The following PDCD1LG2 variants were observed in gnomAD, a reference collection of about 807,000 sequenced individuals.
PDCD1LG2 encodes B7 dendritic cell molecule.
PDCD1LG2 carries 32 observed loss-of-function variants against 28.2 expected under a neutral mutation model. That is an observed-to-expected ratio of 1.13 (90% CI 0.86 to 1.52). The LOEUF is 1.52. Ranked by LOEUF, PDCD1LG2 falls within the 40% of genes most tolerant of loss-of-function variation. The pLI, the probability that PDCD1LG2 is intolerant of heterozygous loss-of-function variation, is 0.00. For missense variants in PDCD1LG2, 385 were observed against 323.8 expected (o/e 1.19, Z -1.45); for synonymous variants, 116 against 120.2 (o/e 0.97, Z 0.23).
chr9:5,537,315 C>T (rs982221323), intron 3 of PDCD1LG2, among the ~76,000 whole-genome samples: 10 of 152,058 alleles, frequency 6.6e-5, no homozygotes, highest in African/African-American at 2.4e-4. Flanking sequence ...TCATTCCAAC[C>T]ATGTCATATG....
rs1163066084 is a variant in PDCD1LG2 at position 5,569,004 on chromosome 9, C to T, written c.817-950C>T. Among the ~76,000 whole-genome samples, 1 of 152,102 alleles carries T rather than the reference C, an allele frequency of 6.6e-6. No individual in the cohort carries two copies. Among genetic ancestry groups the T allele is most frequent in the African/African-American group, 2.4e-5 (1 of 41,410 alleles). On this transcript the variant is annotated intron_variant, in intron 6 of 6. Coordinates refer to ENST00000397747, the MANE Select transcript of PDCD1LG2 (RefSeq NM_025239.4). The surrounding 1 kb of genome is among the most constrained non-coding windows in gnomAD (Gnocchi z 4.1). ...AGCAAACTCTTCTAGATAGAGGAGA[C>T]ACTAACAGGAAAGGCAGAGAGGCAG... is the stretch of plus-strand genomic sequence containing the variant.
chr9:5,512,872 G>A (rs1278520770), intron 1 of PDCD1LG2, among the ~76,000 whole-genome samples: 1 of 152,046 alleles, frequency 6.6e-6, no homozygotes, highest in Non-Finnish European at 1.5e-5. Flanking sequence ...AGTCAATCTT[G>A]TTGCTTTTCT....
At position 5,569,983 on chromosome 9, in the gene PDCD1LG2, T is replaced by A; in HGVS notation, c.*24T>A. The A allele has an allele frequency of 6.2e-7, 1 of 1,613,918 alleles. No individual in the cohort carries two copies. ...GAACCTGTGGTCTTGGGAGCCAGGG[T>A]GACCTGATATGACATCTAAAGAAGC... On this transcript the variant is annotated 3_prime_UTR_variant, in exon 7 of 7. Coordinates refer to ENST00000397747, the MANE Select transcript of PDCD1LG2 (RefSeq NM_025239.4). This position sits in a 1 kb window ranked among gnomAD's most constrained non-coding sequence, Gnocchi z 4.1.
rs543643323 is a variant in PDCD1LG2 at position 5,554,768 on chromosome 9, G to A, written c.632-2850G>A. The stretch of plus-strand genomic sequence containing the variant: ...GCAGAAAAGAGAATCCTTCCTAGGA[G>A]ACCTGGAGGTGATTCCAGGCAGTGG... On this transcript the variant is annotated intron_variant, in intron 4 of 6. Coordinates refer to ENST00000397747, the MANE Select transcript of PDCD1LG2 (RefSeq NM_025239.4). Among the ~76,000 whole-genome samples the A allele has an allele frequency of 7.4e-4, 113 of 152,352 alleles. 2 individuals are homozygous for A. Among genetic ancestry groups the A allele is most frequent in the Non-Finnish European group, 2.9e-4 (20 of 68,030 alleles).
intron 4 of PDCD1LG2, among the ~76,000 whole-genome samples, chr9:5,555,924 G>C (rs1220202779): frequency 1.3e-5 from 2 of 152,174 alleles, no homozygotes; most frequent in African/African-American, 4.8e-5. Context: ...AGAAAGAATG[G>C]ATTAACCAGC....
At chr9:5,539,846 T>C (rs1820654868) in intron 3 of PDCD1LG2, among the ~76,000 whole-genome samples, 1 of 152,174 alleles carries the variant, frequency 6.6e-6, no homozygotes, top group Non-Finnish European at 1.5e-5. Flanking sequence ...ACAGAAGTAC[T>C]TCAAACCAGA....
At chr9:5,522,712 G>T in intron 2 of PDCD1LG2, 111 bp downstream of exon 2, 1 of 905,512 alleles carries the variant, frequency 1.1e-6, no homozygotes. Flanking sequence ...TTGAGAGGAC[G>T]TATGATTTCT....
chr9:5,533,512 G>A (rs890758573), intron 2 of PDCD1LG2, among the ~76,000 whole-genome samples: 8 of 152,130 alleles, frequency 5.3e-5, no homozygotes, highest in Non-Finnish European at 7.4e-5. Flanking sequence ...TTATCTACCC[G>A]GAAGCTTCCT....
At chr9:5,553,591 G>C (rs1284066382) in intron 4 of PDCD1LG2, among the ~76,000 whole-genome samples, 1 of 152,152 alleles carries the variant, frequency 6.6e-6, no homozygotes, top group Non-Finnish European at 1.5e-5. Context: ...AGATGTGAAA[G>C]GGCAGACTGA....
chr9:5,531,309 A>T (rs1399557362), intron 2 of PDCD1LG2, among the ~76,000 whole-genome samples: 1 of 152,222 alleles, frequency 6.6e-6, no homozygotes, highest in African/African-American at 2.4e-5. Flanking sequence ...AGGATTTCAA[A>T]AATCTATTGC....
At chr9:5,546,169 T>C (rs1321673360) in intron 3 of PDCD1LG2, among the ~76,000 whole-genome samples, 1 of 152,084 alleles carries the variant, frequency 6.6e-6, no homozygotes, top group African/African-American at 2.4e-5. Context: ...CCCTCATGTA[T>C]CCCAAGTCAA....
chr9:5,512,717 T>A (rs1820085019), intron 1 of PDCD1LG2, among the ~76,000 whole-genome samples: 1 of 152,172 alleles, frequency 6.6e-6, no homozygotes, highest in Non-Finnish European at 1.5e-5. Context: ...GACCTACAAT[T>A]TTTTGGAATG....
chr9:5,537,716 C>T (rs913244891), intron 3 of PDCD1LG2, among the ~76,000 whole-genome samples: 1 of 152,148 alleles, frequency 6.6e-6, no homozygotes, highest in Admixed American at 6.5e-5. Context: ...ACATCACACA[C>T]TGGGGACTGT....
chr9:5,571,153 G>C lies in PDCD1LG2; in HGVS notation c.*1194G>C, dbSNP rs907540208. On this transcript the variant is annotated 3_prime_UTR_variant, in exon 7 of 7. Transcript: ENST00000397747. The stretch of plus-strand genomic sequence containing the variant: ...ATTTGGGGCTTATGAGAATGAAAGG[G>C]TGTGAAATTGACTAACAGACAAATC... The C allele has an allele frequency of 2.1e-5, 5 of 232,676 alleles. No homozygotes were observed. Among genetic ancestry groups the C allele is most frequent in the African/African-American group, 4.4e-5 (2 of 45,314 alleles). The allele number at this position is 232,676 out of a possible 1,614,324, so 14.4% of individuals were successfully genotyped here. A position where few individuals can be genotyped will look rare whatever the true frequency, so the allele number is the denominator to read the frequency against.
intron 5 of PDCD1LG2, among the ~76,000 whole-genome samples, chr9:5,561,250 C>T (rs1816558167): frequency 6.6e-6 from 1 of 152,180 alleles, no homozygotes; most frequent in Non-Finnish European, 1.5e-5. Flanking sequence ...CAGATAATTG[C>T]TCCTGTATTG....
intron 3 of PDCD1LG2, among the ~76,000 whole-genome samples, chr9:5,535,458 A>G (rs1820562495): frequency 6.6e-6 from 1 of 152,192 alleles, no homozygotes. Context: ...CCATTCATGG[A>G]TTAAAATATC....
At chr9:5,515,814 T>C (rs1820146701) in intron 1 of PDCD1LG2, among the ~76,000 whole-genome samples, 1 of 144,482 alleles carries the variant, frequency 6.9e-6, no homozygotes, top group Non-Finnish European at 1.5e-5. Context: ...TCCCAGTTAC[T>C]CAGGAGGCTG....
At chr9:5,539,185 T>C (rs1252701966) in intron 3 of PDCD1LG2, among the ~76,000 whole-genome samples, 1 of 152,166 alleles carries the variant, frequency 6.6e-6, no homozygotes, top group African/African-American at 2.4e-5. Context: ...TAGAAACTTA[T>C]GAAAAATTAT....
chr9:5,531,435 G>C (rs1404855653), intron 2 of PDCD1LG2, among the ~76,000 whole-genome samples: 2 of 152,168 alleles, frequency 1.3e-5, no homozygotes, highest in African/African-American at 4.8e-5. Context: ...GGTATTCTGA[G>C]CTATTCAGAC....
Sources: allele counts gnomAD v4.1 joint callset (sites outside exome capture counted in the v4.1 genomes callset), GRCh38; gene constraint gnomAD v4.1.1; non-coding constraint Gnocchi (gnomAD v3.1); transcripts MANE v1.5; gene names NCBI Gene and HGNC (gene_info 2026-07-23, HGNC 2026-07-21).